The following SNTG1 variants were observed in gnomAD, a reference collection of about 807,000 sequenced individuals.
The protein encoded by SNTG1 is syntrophin gamma 1.
In SNTG1, 39 loss-of-function variants were observed where a neutral mutation model predicts 74.7. The ratio of observed to expected loss-of-function variants is 0.52; its 90% CI spans 0.40 to 0.68. SNTG1 has a LOEUF of 0.68. Ranked by LOEUF, SNTG1 falls within the 30% of genes least tolerant of loss-of-function variation. The pLI, the probability that SNTG1 is intolerant of heterozygous loss-of-function variation, is 0.00. For missense variants in SNTG1, 685 were observed against 609.5 expected (o/e 1.12, Z -1.30); for synonymous variants, 254 against 217.1 (o/e 1.17, Z -1.49).
chr8:49,925,155 A>C (rs1253224088), intron 1 of SNTG1, among the ~76,000 whole-genome samples: 1 of 152,176 alleles, frequency 6.6e-6, no homozygotes, highest in Non-Finnish European at 1.5e-5. Context: ...CCTGTCTCTA[A>C]AAAAGTAAAT....
intron 15 of SNTG1, among the ~76,000 whole-genome samples, chr8:50,670,651 C>T (rs1365246089): frequency 1.4e-5 from 2 of 140,642 alleles, no homozygotes; most frequent in Non-Finnish European, 3.1e-5. Context: ...CCATCCCAAT[C>T]AAGCTACCAA....
intron 3 of SNTG1, 90 bp from the exon 4 acceptor site, chr8:50,402,120 C>T: frequency 1.5e-6 from 2 of 1,301,722 alleles, no homozygotes; most frequent in Non-Finnish European, 2.1e-6. Flanking sequence ...AAATGTTATT[C>T]ACCATGTTTT....
At chr8:49,946,802 A>G (rs1307013647) in intron 1 of SNTG1, among the ~76,000 whole-genome samples, 1 of 152,220 alleles carries the variant, frequency 6.6e-6, no homozygotes, top group African/African-American at 2.4e-5. Context: ...TTGTATCTCC[A>G]TGAAATAATT....
chr8:50,447,097 A>G (rs1440120055), intron 5 of SNTG1, among the ~76,000 whole-genome samples: 2 of 152,174 alleles, frequency 1.3e-5, no homozygotes, highest in African/African-American at 4.8e-5. Flanking sequence ...AGAAAGTGAA[A>G]CACAAATAAG....
intron 2 of SNTG1, among the ~76,000 whole-genome samples, chr8:50,370,680 C>T (rs887184466): frequency 1.3e-5 from 2 of 152,062 alleles, no homozygotes; most frequent in African/African-American, 4.8e-5. Flanking sequence ...CCATTTCTCT[C>T]CAGAGCCATC....
In SNTG1 at chr8:50,796,599, CTTCA is replaced by C. The variant is rs948239917; in HGVS notation, c.*3774_*3777del. 2.6e-5 allele frequency: 4 copies of C among 151,860 alleles called. No individual in the cohort carries two copies. The highest frequency in any genetic ancestry group is 9.7e-5 in the African/African-American group (4 of 41,412). The allele number at this position is 151,860 out of a possible 1,614,324, so 9.4% of individuals were successfully genotyped here. Reference sequence around the variant, plus strand: ...TAATATCTGTGACAAAAATTTGTCACTTCATTCTTTCAGTTCATTAATGTACTAC... The same window carrying C: ...TAATATCTGTGACAAAAATTTGTCACTTCTTTCAGTTCATTAATGTACTAC... On this transcript the variant is annotated 3_prime_UTR_variant, in exon 19 of 19. Coordinates refer to ENST00000642720, the MANE Select transcript of SNTG1 (RefSeq NM_018967.5).
intron 2 of SNTG1, among the ~76,000 whole-genome samples, chr8:50,384,931 G>A (rs939347790): frequency 1.3e-5 from 2 of 152,038 alleles, no homozygotes; most frequent in African/African-American, 2.4e-5. Context: ...AACATCTCAG[G>A]TGACTTGGTG....
chr8:50,751,890 A>T, intron 17 of SNTG1, 111 bp from the exon 18 acceptor site: 1 of 508,558 alleles, frequency 2.0e-6, no homozygotes, highest in Non-Finnish European at 3.5e-6. Flanking sequence ...ATATTGGGAC[A>T]TAGTACTAAC....
rs576139058 is a variant in SNTG1, at chr8:50,476,794, A to G, written c.364-25984A>G. Among the ~76,000 whole-genome samples the G allele has an allele frequency of 2.0e-5, 3 of 151,928 alleles. No homozygotes were observed. In the South Asian group the frequency reaches 6.3e-4, roughly 32 times the overall value. ...GGTATCTAATACTTTTCTCCAGTAA[A>G]GAGAAATGGATGATTCAAGGACTGG... is the stretch of plus-strand genomic sequence containing the variant. On this transcript the variant is annotated intron_variant, in intron 8 of 18. Transcript: ENST00000642720.
chr8:49,960,763 A>T (rs1191497344), intron 1 of SNTG1, among the ~76,000 whole-genome samples: 1 of 152,032 alleles, frequency 6.6e-6, no homozygotes, highest in Admixed American at 6.5e-5. Context: ...GTGCCACTCA[A>T]AGCCCATGTG....
chr8:50,278,986 G>A (rs10103047), intron 2 of SNTG1, among the ~76,000 whole-genome samples: 93,607 of 151,986 alleles, frequency 0.62, 30,601 homozygotes, highest in East Asian at 0.85. Context: ...TAGAAATAAA[G>A]GCTAACACAG....
chr8:50,026,583 G>T (rs993757550), intron 1 of SNTG1, among the ~76,000 whole-genome samples: 2 of 151,970 alleles, frequency 1.3e-5, no homozygotes, highest in African/African-American at 4.8e-5. Flanking sequence ...GTTTAAGGAT[G>T]GTTCAACAGA....
chr8:50,186,495 G>A (rs2083389592), intron 2 of SNTG1, among the ~76,000 whole-genome samples: 1 of 152,100 alleles, frequency 6.6e-6, no homozygotes, highest in Admixed American at 6.6e-5. Flanking sequence ...CACCAACAGT[G>A]TAAAAACATT....
intron 1 of SNTG1, among the ~76,000 whole-genome samples, chr8:50,153,156 G>A (rs114045995): frequency 0.017 from 2,560 of 151,822 alleles, 66 homozygotes; most frequent in African/African-American, 0.052. Context: ...TTATTCATTC[G>A]ATCTTCAATC....
intron 2 of SNTG1, among the ~76,000 whole-genome samples, chr8:50,353,815 A>C (rs1403031295): frequency 6.6e-6 from 1 of 152,346 alleles, no homozygotes; most frequent in African/African-American, 2.4e-5. Flanking sequence ...GAAAGAGTGA[A>C]GAATTGATCA....
intron 17 of SNTG1, among the ~76,000 whole-genome samples, chr8:50,731,226 G>A (rs1462787288): frequency 6.6e-6 from 1 of 152,056 alleles, no homozygotes; most frequent in Admixed American, 6.6e-5. Context: ...TGGAGTTCAG[G>A]CCAGTGCCTG....
chr8:50,379,841 C>G (rs1324188107), intron 2 of SNTG1, among the ~76,000 whole-genome samples: 1 of 152,198 alleles, frequency 6.6e-6, no homozygotes, highest in South Asian at 2.1e-4. Context: ...AGGGCTGCCC[C>G]CTTAAACACC....
chr8:50,662,494 T>C (rs1452318849), intron 15 of SNTG1, among the ~76,000 whole-genome samples: 1 of 152,168 alleles, frequency 6.6e-6, no homozygotes, highest in Non-Finnish European at 1.5e-5. Flanking sequence ...ATTTTAGAGA[T>C]TTGGAAACTG....
intron 1 of SNTG1, among the ~76,000 whole-genome samples, chr8:50,038,051 C>T (rs1818309646): frequency 6.6e-6 from 1 of 152,150 alleles, no homozygotes. Flanking sequence ...ATACGCTTTC[C>T]TAAGACTTCC....
Sources: allele counts gnomAD v4.1 joint callset (sites outside exome capture counted in the v4.1 genomes callset), GRCh38; gene constraint gnomAD v4.1.1; transcripts MANE v1.5; gene names NCBI Gene and HGNC (gene_info 2026-07-23, HGNC 2026-07-21).